The following DEAF1 variants were observed in gnomAD, a reference collection of about 807,000 sequenced individuals.
DEAF1 encodes DEAF1 transcription factor.
DEAF1 carries 53 observed loss-of-function variants against 58.9 expected under a neutral mutation model. The observed-to-expected ratio is 0.90, with a 90% CI of 0.72 to 1.13. The LOEUF is 1.13. DEAF1 is among the 50% of genes most tolerant of loss of function. The pLI, the probability that DEAF1 is intolerant of heterozygous loss-of-function variation, is 0.00. For synonymous variants in DEAF1, 385 were observed against 340.4 expected (o/e 1.13, Z -1.44); for missense variants, 685 against 791.4 (o/e 0.87, Z 1.61).
chr11:656,660 C>T (rs557168473), intron 10 of DEAF1, among the ~76,000 whole-genome samples: 58 of 152,326 alleles, frequency 3.8e-4, no homozygotes, highest in African/African-American at 1.3e-3. Context: ...GCGGCCCCCA[C>T]GCTGAGAAGG....
intron 1 of DEAF1, chr11:703,368 G>T (rs974123831): frequency 6.4e-5 from 89 of 1,390,832 alleles, no homozygotes; most frequent in Non-Finnish European, 7.5e-5. Context: ...CTGCGGGGAG[G>T]GTAGGGACCA....
intron 2 of DEAF1, among the ~76,000 whole-genome samples, chr11:689,202 C>CT (rs34046317): frequency 0.026 from 2,484 of 94,146 alleles, 63 homozygotes; most frequent in Non-Finnish European, 0.038. Flanking sequence ...TTTTCTTTTT[C>CT]TTTTTTTTTT....
chr11:691,376 G>A (rs943087345), intron 2 of DEAF1, 125 bp downstream of exon 2: 4 of 871,062 alleles, frequency 4.6e-6, no homozygotes, highest in East Asian at 5.3e-5. Context: ...GAGCCAGTGC[G>A]TCCCTCCCCA....
chr11:664,366 G>A (rs77974071), intron 10 of DEAF1, among the ~76,000 whole-genome samples: 2 of 152,214 alleles, frequency 1.3e-5, no homozygotes, highest in Non-Finnish European at 2.9e-5. Flanking sequence ...ACTGAGAGGA[G>A]GAAGACAGAA....
rs1311940371 is a variant in DEAF1, at chr11:688,362, C to G, written c.486G>C (p.Gly162=). 1.9e-6 allele frequency: 3 copies of G among 1,613,844 alleles called. No homozygotes were observed. The South Asian group carries it at 3.3e-5, about 18-fold the overall frequency. ...HTDGSIVETT[G]LKGPAAPLTP... ...TGAGGGGAGCTGCCGGGCCTTTCAGCCCGGTGGTCTCCACGATGCTCCCAT... is the reference window on the plus strand; with the variant it reads ...TGAGGGGAGCTGCCGGGCCTTTCAGGCCGGTGGTCTCCACGATGCTCCCAT... Residue 162 remains glycine (G), a synonymous_variant, in exon 3 of 12, where the codon GGG becomes GGC. Coordinates refer to ENST00000382409, the MANE Select transcript of DEAF1 (RefSeq NM_021008.4). The surrounding 1 kb of genome is among the most constrained non-coding windows in gnomAD (Gnocchi z 4.3).
chr11:678,460 C>A, intron 9 of DEAF1: 1 of 511,860 alleles, frequency 2.0e-6, no homozygotes, highest in South Asian at 1.9e-5. Flanking sequence ...GCGTGCCCTG[C>A]TGCTGTACCA....
intron 8 of DEAF1, among the ~76,000 whole-genome samples, 165 bp downstream of exon 8, chr11:679,523 C>T (rs1233572110): frequency 2.6e-5 from 4 of 152,208 alleles, no homozygotes; most frequent in Admixed American, 6.5e-5. Flanking sequence ...CACACTGCAC[C>T]GCCCACCTGA....
At chr11:674,972 G>A (rs985495342) in intron 9 of DEAF1, among the ~76,000 whole-genome samples, 189 bp from the exon 10 acceptor site, 3 of 151,876 alleles carry the variant, frequency 2.0e-5, no homozygotes, top group Non-Finnish European at 4.4e-5. Context: ...GAAACCCCGC[G>A]TTTCACTGTG....
At chr11:677,868 C>T (rs893596433) in intron 9 of DEAF1, among the ~76,000 whole-genome samples, 2 of 151,810 alleles carry the variant, frequency 1.3e-5, no homozygotes, top group Non-Finnish European at 2.9e-5. Context: ...GAGGCTGAGG[C>T]AGGAGAATTG....
At chr11:692,105 T>A (rs1860861668) in intron 1 of DEAF1, 1 of 248,338 alleles carries the variant, frequency 4.0e-6, no homozygotes, top group South Asian at 4.9e-5. Flanking sequence ...CCATTGCCCT[T>A]GGTCTCTGAC....
chr11:698,915 C>T, upstream of DEAF1: 1 of 1,614,008 alleles, frequency 6.2e-7, no homozygotes, highest in East Asian at 2.2e-5. Flanking sequence ...CCCTCCAGGA[C>T]AGCACCCAGA....
intron 10 of DEAF1, among the ~76,000 whole-genome samples, chr11:656,663 T>A (rs1859069387): frequency 6.6e-6 from 1 of 152,180 alleles, no homozygotes; most frequent in African/African-American, 2.4e-5. Context: ...GCCCCCACGC[T>A]GAGAAGGGCA....
At chr11:684,133 T>TC (rs1860486186) in intron 6 of DEAF1, among the ~76,000 whole-genome samples, 1 of 151,750 alleles carries the variant, frequency 6.6e-6, no homozygotes, top group African/African-American at 2.4e-5. Flanking sequence ...CTTTTTTTTT[T>TC]TTTTTGAGGT....
intron 9 of DEAF1, among the ~76,000 whole-genome samples, chr11:676,618 C>T (rs1453934027): frequency 6.6e-6 from 1 of 152,016 alleles, no homozygotes. Flanking sequence ...GATTCGCCTG[C>T]CTCAGCCTCC....
chr11:656,503 G>A lies in DEAF1; in HGVS notation c.1504-2452C>T, dbSNP rs191787503. On this transcript the variant is annotated intron_variant, in intron 10 of 11. Transcript: ENST00000382409. ...GTCTGTAACCACAGAGAAGCTTCTC[G>A]AAGGAGAACACAGCTTCTGCAGGCT... Among the ~76,000 whole-genome samples the A allele has an allele frequency of 6.4e-3, 976 of 152,366 alleles. 10 individuals carry two copies. The highest frequency in any genetic ancestry group is 0.012 in the Non-Finnish European group (805 of 68,032).
intron 10 of DEAF1, among the ~76,000 whole-genome samples, chr11:667,060 C>T (rs1859569556): frequency 1.3e-5 from 2 of 151,418 alleles, no homozygotes; most frequent in African/African-American, 4.9e-5. Context: ...AATAGCTGGG[C>T]ATGGTGGTAC....
chr11:673,325 G>A (rs1859914199), intron 10 of DEAF1, among the ~76,000 whole-genome samples: 1 of 151,922 alleles, frequency 6.6e-6, no homozygotes, highest in Non-Finnish European at 1.5e-5. Context: ...TCAGGAGTGT[G>A]AGATCAGCCT....
intron 10 of DEAF1, among the ~76,000 whole-genome samples, chr11:673,698 C>T (rs1859931043): frequency 6.6e-6 from 1 of 152,162 alleles, no homozygotes; most frequent in African/African-American, 2.4e-5. Context: ...CTGTGGCCTT[C>T]AGAGCTCCCC....
upstream of DEAF1, chr11:698,859 T>G: frequency 1.9e-6 from 3 of 1,614,094 alleles, no homozygotes; most frequent in South Asian, 3.3e-5. Flanking sequence ...ACGGCCCCTT[T>G]CTCTTTCAGG....
Sources: allele counts gnomAD v4.1 joint callset (sites outside exome capture counted in the v4.1 genomes callset), GRCh38; gene constraint gnomAD v4.1.1; non-coding constraint Gnocchi (gnomAD v3.1); transcripts MANE v1.5; gene names NCBI Gene and HGNC (gene_info 2026-07-23, HGNC 2026-07-21).